Variants in HERC3 observed in about 807,000 individuals in gnomAD.
HERC3 encodes the protein probable E3 ubiquitin-protein ligase HERC3.
HERC3 carries 58 observed loss-of-function variants against 129.9 expected under a neutral mutation model. The ratio of observed to expected loss-of-function variants is 0.45; its 90% CI spans 0.36 to 0.56. The LOEUF (loss-of-function observed/expected upper bound fraction) is 0.56, where lower values mean the gene tolerates loss of function less well. Among genes scored for constraint, HERC3 ranks in the 20% least tolerant of loss-of-function variants. HERC3 has a pLI of 0.00. For missense variants in HERC3, 835 were observed against 1,244.2 expected, an observed-to-expected ratio of 0.67 and a Z score of 4.95; for synonymous variants, 430 against 451.0, an observed-to-expected ratio of 0.95 and a Z score of 0.59.
intron 2 of HERC3, among the ~76,000 whole-genome samples, chr4:88,598,668 C>T (rs1480198554): frequency 6.6e-6 from 1 of 152,210 alleles, no homozygotes; most frequent in African/African-American, 2.4e-5. Context: ...CATTAATCCT[C>T]ACAACACTCT....
the HERC3 span, among the ~76,000 whole-genome samples, chr4:88,533,247 G>A: frequency 5.9e-5 from 9 of 152,190 alleles, no homozygotes; most frequent in Non-Finnish European, 1.0e-4. Context: ...TCTTCTGCCT[G>A]CTTTATTCTG....
At chr4:88,605,111 T>G (rs1030250104) in intron 2 of HERC3, among the ~76,000 whole-genome samples, 6 of 152,154 alleles carry the variant, frequency 3.9e-5, no homozygotes, top group Non-Finnish European at 8.8e-5. Context: ...GGAGTTAAGT[T>G]ATAAAGATAT....
intron 2 of HERC3, among the ~76,000 whole-genome samples, chr4:88,603,204 CTT>C (rs1191378063): frequency 1.7e-4 from 22 of 131,026 alleles, no homozygotes; most frequent in Admixed American, 2.3e-4. Context: ...ATCGCTTTCT[CTT>C]TTTTTTTTTT....
the HERC3 span, chr4:88,527,683 G>A: frequency 9.9e-6 from 3 of 303,850 alleles, no homozygotes; most frequent in Non-Finnish European, 1.9e-5. Flanking sequence ...GCTTGTCATC[G>A]TGGTCTCCAT....
At chr4:88,702,975 A>G (rs2149349528) in intron 23 of HERC3, among the ~76,000 whole-genome samples, 1 of 152,370 alleles carries the variant, frequency 6.6e-6, no homozygotes, top group Admixed American at 6.5e-5. Context: ...ATCTGCAATA[A>G]GCAGCCCAGG....
intron 23 of HERC3, chr4:88,693,294 A>T (rs547875006): frequency 1.2e-4 from 121 of 971,708 alleles, no homozygotes; most frequent in Non-Finnish European, 1.4e-4. Flanking sequence ...ATAAGGTCTC[A>T]GGGGTGAAAT....
chr4:88,654,362 AT>A (rs1729632391), intron 7 of HERC3, among the ~76,000 whole-genome samples: 1 of 67,994 alleles, frequency 1.5e-5, no homozygotes, highest in Non-Finnish European at 2.5e-5. Flanking sequence ...ATATATATAT[AT>A]ATATATATAT....
chr4:88,647,425 A>G (rs1728812623), intron 3 of HERC3, among the ~76,000 whole-genome samples: 3 of 152,210 alleles, frequency 2.0e-5, no homozygotes, highest in Non-Finnish European at 4.4e-5. Context: ...GGTCTAGAGA[A>G]CAGAAAAGCC....
chr4:88,681,174 A>G lies in HERC3; in HGVS notation c.2356A>G (p.Asn786Asp), dbSNP rs1261945885. The G allele has an allele frequency of 6.2e-7, 1 of 1,611,842 alleles. No homozygotes were observed. The highest frequency in any genetic ancestry group is 2.2e-5 in the East Asian group (1 of 44,854). Residue 786 changes from asparagine (N) to aspartate (D), a missense_variant, in exon 21 of 26, where the codon AAC (asparagine) becomes GAC (aspartate). Physicochemically the swap from Asn to Asp is conservative, Grantham distance 23 (BLOSUM62 1). Transcript: ENST00000402738. Reference sequence around the variant, plus strand: ...TCCTAAAAAGTGTTTTGTAGAGCACAACTGGTTTCACTTGATTGGTATAAC... The same window carrying G: ...TCCTAAAAAGTGTTTTGTAGAGCACGACTGGTTTCACTTGATTGGTATAAC... ...WFSDTCFVEH[N>D]WFHLIGITCG...
intron 23 of HERC3, among the ~76,000 whole-genome samples, chr4:88,698,399 G>T (rs578166295): frequency 6.6e-6 from 1 of 151,884 alleles, no homozygotes; most frequent in Non-Finnish European, 1.5e-5. Context: ...CACACCTAGC[G>T]GCATATATCT....
chr4:88,663,437 A>G (rs1468410206), intron 11 of HERC3, among the ~76,000 whole-genome samples: 3 of 152,176 alleles, frequency 2.0e-5, no homozygotes, highest in Non-Finnish European at 4.4e-5. Context: ...GTGACACTTT[A>G]CCATTAGTTC....
intron 3 of HERC3, among the ~76,000 whole-genome samples, chr4:88,635,669 A>G (rs1380056006): frequency 1.3e-5 from 2 of 152,160 alleles, no homozygotes; most frequent in African/African-American, 2.4e-5. Context: ...AAGATACTCT[A>G]TGAGAAGATC....
chr4:88,605,748 C>T (rs1417351664), intron 2 of HERC3, 47 bp from the exon 3 acceptor site: 3 of 1,102,006 alleles, frequency 2.7e-6, no homozygotes, highest in Non-Finnish European at 4.0e-6. Context: ...TTTTCTATGA[C>T]CTATTTCTTT....
chr4:88,531,451 T>C, the HERC3 span, among the ~76,000 whole-genome samples: 57 of 152,312 alleles, frequency 3.7e-4, no homozygotes, highest in African/African-American at 1.3e-3. Flanking sequence ...AAACTATAAA[T>C]ATATCACAAG....
chr4:88,542,480 G>A, the HERC3 span, among the ~76,000 whole-genome samples: 1 of 152,102 alleles, frequency 6.6e-6, no homozygotes, highest in Admixed American at 6.5e-5. Flanking sequence ...AGGACCAGAT[G>A]GATTCACAGC....
chr4:88,536,869 C>T, the HERC3 span, among the ~76,000 whole-genome samples: 1 of 152,090 alleles, frequency 6.6e-6, no homozygotes. Flanking sequence ...AGTACTCTAT[C>T]AGAGCTGTCT....
chr4:88,671,312 A>G (rs1233038906), intron 16 of HERC3, among the ~76,000 whole-genome samples: 2 of 152,104 alleles, frequency 1.3e-5, no homozygotes, highest in South Asian at 2.1e-4. Context: ...TATTAGGGCA[A>G]TATTTTTCCT....
At chr4:88,645,510 T>C (rs1157373792) in intron 3 of HERC3, among the ~76,000 whole-genome samples, 1 of 152,140 alleles carries the variant, frequency 6.6e-6, no homozygotes, top group African/African-American at 2.4e-5. Flanking sequence ...CTGTATATAG[T>C]AGTCCCTCCT....
intron 23 of HERC3, among the ~76,000 whole-genome samples, chr4:88,703,414 T>C (rs1735498546): frequency 6.6e-6 from 1 of 152,202 alleles, no homozygotes; most frequent in East Asian, 1.9e-4. Flanking sequence ...GCGATATGGT[T>C]CCCATCATTT....
Sources: gnomAD v4.1 joint callset for allele counts (sites outside exome capture counted in the v4.1 genomes callset) on GRCh38, gnomAD v4.1.1 for gene constraint, MANE v1.5 for transcripts, NCBI Gene and HGNC (gene_info 2026-07-23, HGNC 2026-07-21) for gene names.